The following MRS2 variants were observed in gnomAD, a reference collection of about 807,000 sequenced individuals.
The protein encoded by MRS2 is magnesium transporter MRS2.
MRS2 carries 40 observed loss-of-function variants against 52.6 expected under a neutral mutation model. The observed-to-expected ratio is 0.76, with a 90% CI of 0.59 to 0.99. The LOEUF (loss-of-function observed/expected upper bound fraction) is 0.99, where lower values mean the gene tolerates loss of function less well. MRS2 is among the 50% of genes least tolerant of loss of function. The pLI is 0.00. For synonymous variants in MRS2, 193 were observed against 195.9 expected, an observed-to-expected ratio of 0.98 and a Z score of 0.13; for missense variants, 472 against 532.7, an observed-to-expected ratio of 0.89 and a Z score of 1.12.
rs1277381785 is a variant in MRS2, at chr6:24,425,515, T to C, written c.*1821T>C. On this transcript the variant is annotated 3_prime_UTR_variant, in exon 11 of 11. Transcript: ENST00000378386. ...GTATGATTTCAAAATATCAACTAGT[T>C]CCACTTTTGTGATTGCAGGATGCTT... 6.6e-6 allele frequency: 1 copy of C among 152,222 alleles called. No individual in the cohort carries two copies. The highest frequency in any genetic ancestry group is 1.5e-5 in the Non-Finnish European group (1 of 68,048). 9.4% of individuals were successfully genotyped at this position (152,222 alleles called of 1,614,324 possible). A position where few individuals can be genotyped will look rare whatever the true frequency, so the allele number is the denominator to read the frequency against.
chr6:24,422,445 G>A (rs1165296054), intron 9 of MRS2, among the ~76,000 whole-genome samples: 1 of 152,166 alleles, frequency 6.6e-6, no homozygotes, highest in Admixed American at 6.5e-5. Context: ...CTTGGATCAC[G>A]ATGCCCTTAG....
chr6:24,412,120 A>T (rs1395335978), intron 4 of MRS2, 102 bp from the exon 5 acceptor site: 1 of 598,082 alleles, frequency 1.7e-6, no homozygotes, highest in Non-Finnish European at 2.5e-6. Flanking sequence ...ACAGCTCTAC[A>T]ATTTGCATAT....
At chr6:24,419,876 G>T (rs1761984562) in intron 9 of MRS2, among the ~76,000 whole-genome samples, 1 of 152,186 alleles carries the variant, frequency 6.6e-6, no homozygotes, top group East Asian at 1.9e-4. Context: ...TGTTTTCACA[G>T]AATAGCTTAT....
intron 4 of MRS2, among the ~76,000 whole-genome samples, chr6:24,409,996 A>T (rs978937119): frequency 2.7e-5 from 4 of 150,534 alleles, no homozygotes; most frequent in Admixed American, 2.0e-4. Context: ...TATAGCCTTA[A>T]TTTTTTTTTT....
intron 9 of MRS2, among the ~76,000 whole-genome samples, chr6:24,421,722 C>T (rs1390448354): frequency 6.6e-6 from 1 of 152,240 alleles, no homozygotes; most frequent in Non-Finnish European, 1.5e-5. Context: ...TGGACATCCT[C>T]TTACATAACC....
chr6:24,417,640 C>T (rs1761893432), intron 7 of MRS2, among the ~76,000 whole-genome samples: 1 of 152,116 alleles, frequency 6.6e-6, no homozygotes, highest in Non-Finnish European at 1.5e-5. Flanking sequence ...AGATTGGCCA[C>T]AACAATAGAA....
chr6:24,423,158 T>C (rs912789575), intron 10 of MRS2, 108 bp downstream of exon 10: 3 of 826,034 alleles, frequency 3.6e-6, no homozygotes, highest in African/African-American at 3.4e-5. Flanking sequence ...CCCTTGCGAG[T>C]TGCTTTCTCA....
chr6:24,422,506 A>C (rs1762079894), intron 9 of MRS2, among the ~76,000 whole-genome samples: 1 of 152,128 alleles, frequency 6.6e-6, no homozygotes, highest in African/African-American at 2.4e-5. Flanking sequence ...TTATTATGTT[A>C]CAGATTCCTT....
Position 24,410,987 on chromosome 6 carries a change from G to A in MRS2, c.415-1235G>A, listed in dbSNP as rs547567804. Among the ~76,000 whole-genome samples, 321 of 152,070 alleles carry A rather than the reference G, an allele frequency of 2.1e-3. 4 individuals carry two copies. The highest frequency in any genetic ancestry group is 7.3e-3 in the African/African-American group (303 of 41,460). ...GTGGATCACCTGAGGTCAGGAGTTC[G>A]AGACCAGCCTGACCAACATGGTGAA... On this transcript the variant is annotated intron_variant, in intron 4 of 10. Coordinates refer to ENST00000378386, the MANE Select transcript of MRS2 (RefSeq NM_020662.4).
At position 24,425,511 on chromosome 6, in the gene MRS2, T is replaced by G. The variant is rs1461374803; in HGVS notation, c.*1817T>G. On this transcript the variant is annotated 3_prime_UTR_variant, in exon 11 of 11. Transcript: ENST00000378386. ...TCAAGTATGATTTCAAAATATCAAC[T>G]AGTTCCACTTTTGTGATTGCAGGAT... The G allele has an allele frequency of 2.0e-5, 3 of 152,256 alleles. No homozygotes were observed. Among genetic ancestry groups the G allele is most frequent in the Non-Finnish European group, 4.4e-5 (3 of 68,054 alleles). 9.4% of individuals were successfully genotyped at this position (152,256 alleles called of 1,614,324 possible). A position where few individuals can be genotyped will look rare whatever the true frequency, so the allele number is the denominator to read the frequency against.
intron 2 of MRS2, among the ~76,000 whole-genome samples, chr6:24,407,498 T>C (rs1761516915): frequency 1.3e-5 from 2 of 152,176 alleles, no homozygotes; most frequent in South Asian, 4.1e-4. Context: ...TCGTAGTAAG[T>C]AGTACAGCTC....
At position 24,408,423 on chromosome 6, in the gene MRS2, CAG is replaced by C. The variant is rs1163848669; in HGVS notation, c.281_282del (p.Gln94ArgfsTer7). On this transcript the variant is annotated frameshift_variant, in exon 3 of 11. Coordinates refer to ENST00000378386, the MANE Select transcript of MRS2 (RefSeq NM_020662.4). LOFTEE classifies it high-confidence loss of function. Reference sequence around the variant, plus strand: ...CTATTTTCAGACAAAATTTGACAAACAGGGAAACGTTACTTCTTTTGGTGAGT... The same window carrying C: ...CTATTTTCAGACAAAATTTGACAAACGGAAACGTTACTTCTTTTGGTGAGT... ...PVFTVTKFDK[Q>X]GNVTSFERKK... is the part of the protein sequence containing the mutation. The C allele has an allele frequency of 1.3e-6, 2 of 1,586,790 alleles. No homozygotes were observed. The highest frequency in any genetic ancestry group is 1.3e-5 in the African/African-American group (1 of 74,240).
chr6:24,405,864 G>A (rs1380312666), intron 2 of MRS2, among the ~76,000 whole-genome samples: 3 of 149,700 alleles, frequency 2.0e-5, no homozygotes, highest in Non-Finnish European at 4.4e-5. Context: ...CCAACACTTT[G>A]GGAGGCCGAG....
intron 9 of MRS2, 166 bp downstream of exon 9, chr6:24,418,744 C>T: frequency 3.9e-6 from 2 of 507,222 alleles, no homozygotes; most frequent in Non-Finnish European, 7.2e-6. Context: ...ACTAAAAATA[C>T]AAAAATTAGA....
chr6:24,421,092 C>T (rs78080290), intron 9 of MRS2, among the ~76,000 whole-genome samples: 18,661 of 152,184 alleles, frequency 0.12, 1,477 homozygotes, highest in East Asian at 0.16. Context: ...ACAGGACTTT[C>T]TCTACAAGTC....
In MRS2 at chr6:24,425,395, A is replaced by T. The variant is rs1013022590; in HGVS notation, c.*1701A>T. On this transcript the variant is annotated 3_prime_UTR_variant, in exon 11 of 11. Transcript: ENST00000378386. ...GGATAAAATAATTTTTTGATGAATC[A>T]TGTCAATAAAAGGAAAAATAATGTA... The T allele has an allele frequency of 1.3e-5, 2 of 152,194 alleles. No homozygotes were observed. The highest frequency in any genetic ancestry group is 2.9e-5 in the Non-Finnish European group (2 of 68,040). 9.4% of individuals were successfully genotyped at this position (152,194 alleles called of 1,614,324 possible).
chr6:24,403,366 T>G (rs1761353056), intron 1 of MRS2, 130 bp downstream of exon 1: 4 of 914,444 alleles, frequency 4.4e-6, no homozygotes, highest in Non-Finnish European at 6.3e-6. Flanking sequence ...CCGCGTGTCC[T>G]GTGAGCTTGC....
chr6:24,410,911 G>A (rs1761626451), intron 4 of MRS2: 1 of 568,202 alleles, frequency 1.8e-6, no homozygotes, highest in African/African-American at 1.9e-5. Context: ...CATGAGGCTA[G>A]GTTGTGGTGG....
In MRS2 at chr6:24,405,238, T is replaced by C. The variant is rs1761424018; in HGVS notation, c.261T>C (p.Thr87=). Residue 87 remains threonine (T), a synonymous_variant, in exon 2 of 11, where the codon ACT becomes ACC. Transcript: ENST00000378386. ...TAGCCAGTGTAGCCCCAGTATTTAC[T>C]GTGGTGAGTATGTACAGTACATTGG... The part of the protein sequence containing the change: ...ATLASVAPVF[T]VTKFDKQGNV... 2 of 1,611,858 alleles carry C rather than the reference T, an allele frequency of 1.2e-6. No individual in the cohort carries two copies. The highest frequency in any genetic ancestry group is 8.5e-7 in the Non-Finnish European group (1 of 1,177,942).
Sources: gnomAD v4.1 joint callset for allele counts (sites outside exome capture counted in the v4.1 genomes callset) on GRCh38, gnomAD v4.1.1 for gene constraint, MANE v1.5 for transcripts, NCBI Gene and HGNC (gene_info 2026-07-23, HGNC 2026-07-21) for gene names.